The following SEMA3D variants were observed in gnomAD, a reference collection of about 807,000 sequenced individuals.
The protein encoded by SEMA3D is semaphorin-3D.
In SEMA3D, 84 loss-of-function variants were observed where a neutral mutation model predicts 100.1. The observed-to-expected ratio is 0.84, with a 90% CI of 0.70 to 1.01. SEMA3D has a LOEUF of 1.01. Among genes scored for constraint, SEMA3D ranks in the 50% least tolerant of loss-of-function variants. The pLI, the probability that SEMA3D is intolerant of heterozygous loss-of-function variation, is 0.00. For missense variants in SEMA3D, 875 were observed against 934.1 expected, an observed-to-expected ratio of 0.94 and a Z score of 0.82; for synonymous variants, 312 against 320.7, an observed-to-expected ratio of 0.97 and a Z score of 0.29.
intron 2 of SEMA3D, among the ~76,000 whole-genome samples, chr7:85,133,212 C>T (rs1233440858): frequency 6.6e-6 from 1 of 151,906 alleles, no homozygotes; most frequent in Non-Finnish European, 1.5e-5. Flanking sequence ...CCTTATCGCC[C>T]TCCTTATCTA....
intron 3 of SEMA3D, among the ~76,000 whole-genome samples, chr7:85,118,326 T>C (rs1210074937): frequency 6.6e-6 from 1 of 152,098 alleles, no homozygotes; most frequent in Non-Finnish European, 1.5e-5. Flanking sequence ...AATGTGAACA[T>C]CTGCATCACT....
At chr7:85,088,407 C>T (rs1479892578) in intron 4 of SEMA3D, among the ~76,000 whole-genome samples, 2 of 152,078 alleles carry the variant, frequency 1.3e-5, no homozygotes, top group Non-Finnish European at 2.9e-5. Flanking sequence ...CTGAATGAGA[C>T]ACACAAAAGG....
intron 15 of SEMA3D, among the ~76,000 whole-genome samples, chr7:85,017,934 T>C (rs1345537609): frequency 6.6e-6 from 1 of 151,730 alleles, no homozygotes; most frequent in Admixed American, 6.6e-5. Flanking sequence ...AAACCCTTTG[T>C]AATGGTTAGG....
At chr7:85,090,709 T>C (rs1184249222) in intron 4 of SEMA3D, among the ~76,000 whole-genome samples, 2 of 152,110 alleles carry the variant, frequency 1.3e-5, no homozygotes, top group South Asian at 2.1e-4. Flanking sequence ...AGTCAGAACA[T>C]CATTCTGATT....
chr7:85,225,175 A>ATT, the SEMA3D span, among the ~76,000 whole-genome samples: 98 of 141,808 alleles, frequency 6.9e-4, no homozygotes, highest in Middle Eastern at 3.6e-3. Context: ...ATATATATAA[A>ATT]ATACATATAT....
chr7:85,003,263 C>A (rs572532446), intron 18 of SEMA3D, among the ~76,000 whole-genome samples: 2 of 152,012 alleles, frequency 1.3e-5, no homozygotes, highest in South Asian at 4.2e-4. Flanking sequence ...ACAAAACCGA[C>A]AATTAATATT....
intron 3 of SEMA3D, among the ~76,000 whole-genome samples, chr7:85,119,387 G>A (rs1265936766): frequency 6.6e-6 from 1 of 152,128 alleles, no homozygotes; most frequent in Non-Finnish European, 1.5e-5. Context: ...ATGATAGACT[G>A]GATAAAGAAA....
At chr7:85,159,861 C>T in intron 1 of SEMA3D, 2 of 984,910 alleles carry the variant, frequency 2.0e-6, no homozygotes, top group Non-Finnish European at 2.4e-6. Flanking sequence ...TTTCAGTAAC[C>T]ATTATATGAC....
rs143249927 is a variant in SEMA3D at position 85,117,091 on chromosome 7, T to G, written c.151+4650A>C. Reference sequence around the variant, plus strand: ...ATAGAATACTCTGGAACTAATACCATGTAACTTCTGAAGCTACGTATAAAA... The same window carrying G: ...ATAGAATACTCTGGAACTAATACCAGGTAACTTCTGAAGCTACGTATAAAA... On this transcript the variant is annotated intron_variant, in intron 3 of 18. Transcript: ENST00000284136. 1.5e-4 allele frequency among the ~76,000 whole-genome samples: 23 copies of G among 152,306 alleles called. No individual in the cohort carries two copies. The East Asian group carries it at 4.4e-3, about 29-fold the overall frequency.
At chr7:85,240,119 T>C in the SEMA3D span, among the ~76,000 whole-genome samples, 4 of 152,152 alleles carry the variant, frequency 2.6e-5, no homozygotes, top group Admixed American at 6.6e-5. Context: ...TTAAGTTTCT[T>C]ATTAAGTATG....
intron 12 of SEMA3D, chr7:85,029,431 C>T (rs1790482567): frequency 2.6e-6 from 2 of 776,824 alleles, no homozygotes; most frequent in African/African-American, 3.4e-5. Flanking sequence ...TGAGAAACTT[C>T]AAGTCAAGAT....
At position 85,008,291 on chromosome 7, in the gene SEMA3D, T is replaced by A. The variant is rs575203857; in HGVS notation, c.1769-1350A>T. ...TAGACTGACTTAACCAAAGAATTGGTCAATTTAGTAAAAGATAAATTGGTG... is the reference window on the plus strand; with the variant it reads ...TAGACTGACTTAACCAAAGAATTGGACAATTTAGTAAAAGATAAATTGGTG... On this transcript the variant is annotated intron_variant, in intron 17 of 18. Coordinates refer to ENST00000284136, the MANE Select transcript of SEMA3D (RefSeq NM_001384900.1). Among the ~76,000 whole-genome samples, 4 of 151,922 alleles carry A rather than the reference T, an allele frequency of 2.6e-5. No individual in the cohort carries two copies. In the South Asian group the frequency reaches 8.3e-4, roughly 31 times the overall value.
the SEMA3D span, among the ~76,000 whole-genome samples, chr7:85,202,660 C>T: frequency 6.6e-6 from 1 of 152,066 alleles, no homozygotes; most frequent in Non-Finnish European, 1.5e-5. Flanking sequence ...AAGCAAACAA[C>T]CCCATCAAAA....
chr7:85,231,762 T>C, the SEMA3D span, among the ~76,000 whole-genome samples: 2 of 152,182 alleles, frequency 1.3e-5, no homozygotes, highest in Non-Finnish European at 2.9e-5. Flanking sequence ...GGGTTTCTTA[T>C]ACAGTAAGAA....
intron 4 of SEMA3D, among the ~76,000 whole-genome samples, chr7:85,093,272 C>A (rs955340817): frequency 6.6e-6 from 1 of 151,940 alleles, no homozygotes; most frequent in African/African-American, 2.4e-5. Flanking sequence ...CTTATAGTTA[C>A]CCTCCTTTCC....
chr7:85,089,571 T>C (rs13234520), intron 4 of SEMA3D, among the ~76,000 whole-genome samples: 2 of 152,152 alleles, frequency 1.3e-5, no homozygotes, highest in African/African-American at 4.8e-5. Flanking sequence ...AGGAATATAG[T>C]AGAACCTCAA....
chr7:85,203,803 A>C, the SEMA3D span, among the ~76,000 whole-genome samples: 1 of 151,922 alleles, frequency 6.6e-6, no homozygotes, highest in Non-Finnish European at 1.5e-5. Context: ...AGAGAAATAC[A>C]GGGGGAAAAC....
intron 12 of SEMA3D, among the ~76,000 whole-genome samples, chr7:85,023,599 T>G (rs920013268): frequency 1.3e-5 from 2 of 151,848 alleles, no homozygotes; most frequent in African/African-American, 4.8e-5. Context: ...TTTCTTTGTT[T>G]CAGTTTTTAG....
chr7:85,240,872 T>C, the SEMA3D span, among the ~76,000 whole-genome samples: 1 of 152,052 alleles, frequency 6.6e-6, no homozygotes, highest in Non-Finnish European at 1.5e-5. Flanking sequence ...ATTTGTGTCA[T>C]CTTTCCAACC....
Sources: allele counts gnomAD v4.1 joint callset (sites outside exome capture counted in the v4.1 genomes callset), GRCh38; gene constraint gnomAD v4.1.1; transcripts MANE v1.5; gene names NCBI Gene and HGNC (gene_info 2026-07-23, HGNC 2026-07-21).